Variants in ARMC8 observed in about 807,000 individuals in gnomAD.
The protein encoded by ARMC8 is armadillo repeat containing 8.
ARMC8 carries 20 observed loss-of-function variants against 99.3 expected under a neutral mutation model. The ratio of observed to expected loss-of-function variants is 0.20; its 90% confidence interval spans 0.14 to 0.29. The LOEUF is 0.29. ARMC8 is among the 10% of genes least tolerant of loss of function. ARMC8 has a pLI of 1.00. For missense variants in ARMC8, 569 were observed against 809.5 expected, an observed-to-expected ratio of 0.70 and a Z score of 3.60; for synonymous variants, 263 against 278.3, an observed-to-expected ratio of 0.95 and a Z score of 0.55.
chr3:138,242,118 A>G, intron 11 of ARMC8, 135 bp downstream of exon 11: 2 of 697,254 alleles, frequency 2.9e-6, no homozygotes, highest in Non-Finnish European at 4.7e-6. Flanking sequence ...TTGGTAACAT[A>G]GATAATATTG....
At chr3:138,232,863 A>G (rs1251726571) in intron 6 of ARMC8, among the ~76,000 whole-genome samples, 1 of 152,342 alleles carries the variant, frequency 6.6e-6, no homozygotes. Flanking sequence ...TGGAAAAACA[A>G]TGAGGTGCAA....
intron 2 of ARMC8, among the ~76,000 whole-genome samples, chr3:138,215,188 A>G (rs976078561): frequency 1.3e-5 from 2 of 152,098 alleles, no homozygotes; most frequent in African/African-American, 4.8e-5. Flanking sequence ...TCAAGACTAT[A>G]TATTTGCGTG....
chr3:138,215,312 G>C (rs374632502), intron 2 of ARMC8, among the ~76,000 whole-genome samples: 1 of 151,984 alleles, frequency 6.6e-6, no homozygotes, highest in African/African-American at 2.4e-5. Context: ...TGCCTCCCGG[G>C]TTCAAGTGAT....
At chr3:138,245,492 G>A (rs543849026) in intron 12 of ARMC8, 1 of 1,264,744 alleles carries the variant, frequency 7.9e-7, no homozygotes, top group African/African-American at 1.5e-5. Flanking sequence ...TTCTAGCACT[G>A]TGAAGCTTCA....
intron 18 of ARMC8, among the ~76,000 whole-genome samples, chr3:138,280,986 A>G (rs905256515): frequency 2.6e-5 from 4 of 151,958 alleles, no homozygotes; most frequent in Non-Finnish European, 5.9e-5. Context: ...ATATATTTCA[A>G]TTTTTGCAGG....
intron 18 of ARMC8, among the ~76,000 whole-genome samples, chr3:138,279,695 A>AC (rs2049685733): frequency 6.6e-6 from 1 of 152,166 alleles, no homozygotes; most frequent in South Asian, 2.1e-4. Context: ...AAGGTGTTTA[A>AC]CTACAAATTC....
At chr3:138,264,758 TCTGATCTCCCTATTTGTTTAATATTAC>T (rs2048112799) in intron 14 of ARMC8, among the ~76,000 whole-genome samples, 1 of 152,120 alleles carries the variant, frequency 6.6e-6, no homozygotes, top group Non-Finnish European at 1.5e-5. Flanking sequence ...TAGTTACTCA[TCTGATCTCCCTATTTGTTTAATATTAC>T]ACCTTAACCT....
chr3:138,217,903 A>G (rs904853832), intron 2 of ARMC8, among the ~76,000 whole-genome samples: 2 of 152,160 alleles, frequency 1.3e-5, no homozygotes, highest in African/African-American at 4.8e-5. Flanking sequence ...CACATATCAC[A>G]TTTTTGTACC....
intron 1 of ARMC8, among the ~76,000 whole-genome samples, chr3:138,200,551 C>A (rs2043995944): frequency 6.6e-6 from 1 of 152,136 alleles, no homozygotes; most frequent in African/African-American, 2.4e-5. Context: ...TATCCCAGGA[C>A]ATCTAGCATC....
chr3:138,192,275 CTTTTTTTTTT>C (rs372563436), intron 1 of ARMC8, among the ~76,000 whole-genome samples: 3 of 130,688 alleles, frequency 2.3e-5, no homozygotes, highest in East Asian at 2.1e-4. Flanking sequence ...TTTATTTATC[CTTTTTTTTTT>C]TTTTTTTTTT....
intron 1 of ARMC8, among the ~76,000 whole-genome samples, chr3:138,197,716 C>G (rs2043817950): frequency 6.6e-6 from 1 of 152,178 alleles, no homozygotes; most frequent in African/African-American, 2.4e-5. Context: ...CTCCCTTGGA[C>G]TTTCAGATTA....
chr3:138,231,084 C>T (rs1433433280), intron 6 of ARMC8, among the ~76,000 whole-genome samples: 1 of 152,144 alleles, frequency 6.6e-6, no homozygotes, highest in Non-Finnish European at 1.5e-5. Context: ...AATTAAATAA[C>T]CACATTTAAA....
intron 2 of ARMC8, among the ~76,000 whole-genome samples, chr3:138,212,140 C>G (rs1384919879): frequency 6.6e-6 from 1 of 151,916 alleles, no homozygotes; most frequent in Non-Finnish European, 1.5e-5. Context: ...TAATACTGAT[C>G]TTATGGAGAT....
intron 12 of ARMC8, chr3:138,245,985 AT>A: frequency 1.0e-6 from 1 of 985,352 alleles, no homozygotes; most frequent in Non-Finnish European, 1.2e-6. Context: ...GAAAGAGCAA[AT>A]TAGTCATTAT....
At chr3:138,258,148 C>G (rs1263543000) in intron 12 of ARMC8, among the ~76,000 whole-genome samples, 1 of 152,100 alleles carries the variant, frequency 6.6e-6, no homozygotes, top group African/African-American at 2.4e-5. Context: ...ACTTTGCCAC[C>G]CACTGCCTTG....
chr3:138,262,468 T>G (rs1560007727), intron 12 of ARMC8: 1 of 1,538,074 alleles, frequency 6.5e-7, no homozygotes, highest in African/African-American at 1.4e-5. Flanking sequence ...TCTTCTCTTC[T>G]TGTTTGGCTG....
intron 2 of ARMC8, among the ~76,000 whole-genome samples, chr3:138,211,256 T>A (rs2044680784): frequency 6.6e-6 from 1 of 152,180 alleles, no homozygotes; most frequent in Non-Finnish European, 1.5e-5. Flanking sequence ...AAGTATTACT[T>A]AAAATTACTC....
At chr3:138,242,094 A>T in intron 11 of ARMC8, 111 bp downstream of exon 11, 1 of 798,702 alleles carries the variant, frequency 1.3e-6, no homozygotes, top group Non-Finnish European at 2.0e-6. Context: ...TTTTAAATAA[A>T]GGTTCTTTTA....
Position 138,226,914 on chromosome 3 carries a change from T to G in ARMC8, c.436-2004T>G, listed in dbSNP as rs80172644. ...ATTTCAATTTTGTGCCTCAGCTATT[T>G]TATGCCTCCGATATTTTATGTCTCA... On this transcript the variant is annotated intron_variant, in intron 5 of 21. Coordinates refer to ENST00000469044, the MANE Select transcript of ARMC8 (RefSeq NM_001363941.2). 7.2e-3 allele frequency among the ~76,000 whole-genome samples: 1,104 copies of G among 152,352 alleles called. 13 individuals are homozygous for G. Among genetic ancestry groups the G allele is most frequent in the African/African-American group, 0.025 (1,033 of 41,588 alleles).
Sources: gnomAD v4.1 joint callset for allele counts (sites outside exome capture counted in the v4.1 genomes callset) on GRCh38, gnomAD v4.1.1 for gene constraint, MANE v1.5 for transcripts, NCBI Gene and HGNC (gene_info 2026-07-23, HGNC 2026-07-21) for gene names.